TMEM144: variants seen among roughly 807,000 people sequenced by gnomAD.
TMEM144 encodes transmembrane protein 144.
Under a neutral mutation model 43.6 loss-of-function variants are expected in TMEM144, and 39 were observed. The ratio of observed to expected loss-of-function variants is 0.90; its 90% CI spans 0.69 to 1.17. The LOEUF (loss-of-function observed/expected upper bound fraction) is 1.17, where lower values mean the gene tolerates loss of function less well. TMEM144 is among the 50% of genes most tolerant of loss of function. The pLI is 0.00. For missense variants in TMEM144, 417 were observed against 411.9 expected (o/e 1.01, Z -0.11); for synonymous variants, 154 against 133.6 (o/e 1.15, Z -1.06).
intron 12 of TMEM144, among the ~76,000 whole-genome samples, chr4:158,247,962 C>G (rs1735976841): frequency 1.3e-5 from 2 of 150,028 alleles, no homozygotes; most frequent in African/African-American, 4.9e-5. Context: ...TACCATATTT[C>G]TGAAATGTGC....
intron 11 of TMEM144, among the ~76,000 whole-genome samples, chr4:158,243,675 T>A (rs1245628505): frequency 6.6e-6 from 1 of 152,186 alleles, no homozygotes; most frequent in Non-Finnish European, 1.5e-5. Flanking sequence ...CTGTATTATT[T>A]CATTCTTTTC....
chr4:158,244,145 C>A (rs1369064963), intron 11 of TMEM144, 151 bp from the exon 12 acceptor site: 2 of 394,620 alleles, frequency 5.1e-6, no homozygotes, highest in Admixed American at 4.6e-5. Context: ...CTTAATATCA[C>A]CTAAAGTTTA....
At chr4:158,240,195 T>C (rs1243633673) in intron 9 of TMEM144, 104 bp from the exon 10 acceptor site, 5 of 1,375,150 alleles carry the variant, frequency 3.6e-6, no homozygotes, top group Non-Finnish European at 4.9e-6. Flanking sequence ...TAATTAATGG[T>C]TTATTTGCCT....
In TMEM144 at chr4:158,254,317, G is replaced by A. The variant is rs1398954217; in HGVS notation, c.*790G>A. 1 of 151,890 alleles carries A rather than the reference G, an allele frequency of 6.6e-6. No homozygotes were observed. Among genetic ancestry groups the A allele is most frequent in the African/African-American group, 2.4e-5 (1 of 41,336 alleles). 9.4% of individuals were successfully genotyped at this position (151,890 alleles called of 1,614,324 possible). On this transcript the variant is annotated 3_prime_UTR_variant, in exon 13 of 13. Coordinates refer to ENST00000296529, the MANE Select transcript of TMEM144 (RefSeq NM_018342.5). ...AAAGGAAACAACCACTCTTTTGAAT[G>A]TACAACTTTTTTTTCTGAAATACAC...
chr4:158,244,149 A>C (rs1282858858), intron 11 of TMEM144, 147 bp from the exon 12 acceptor site: 1 of 408,076 alleles, frequency 2.5e-6, no homozygotes, highest in Non-Finnish European at 4.3e-6. Flanking sequence ...ATATCACCTA[A>C]AGTTTAGCTT....
chr4:158,216,795 G>C (rs1237848268), intron 4 of TMEM144, among the ~76,000 whole-genome samples: 1 of 151,680 alleles, frequency 6.6e-6, no homozygotes, highest in African/African-American at 2.4e-5. Context: ...TCCTAAAGAG[G>C]TAACCTTTTA....
At chr4:158,230,573 T>C (rs1485954353) in intron 6 of TMEM144, among the ~76,000 whole-genome samples, 1 of 151,826 alleles carries the variant, frequency 6.6e-6, no homozygotes, top group Non-Finnish European at 1.5e-5. Flanking sequence ...ATGTCTAATA[T>C]TAACCTTACA....
chr4:158,251,178 A>G (rs1736183760), intron 12 of TMEM144, among the ~76,000 whole-genome samples: 1 of 152,226 alleles, frequency 6.6e-6, no homozygotes, highest in Non-Finnish European at 1.5e-5. Context: ...AGATGTATCT[A>G]AAATTAGAGA....
chr4:158,247,835 A>G (rs1210807800), intron 12 of TMEM144, among the ~76,000 whole-genome samples: 1 of 151,936 alleles, frequency 6.6e-6, no homozygotes, highest in Non-Finnish European at 1.5e-5. Flanking sequence ...TACGTTCAGT[A>G]TAATTCCTGT....
intron 6 of TMEM144, among the ~76,000 whole-genome samples, chr4:158,222,334 A>C (rs1734550221): frequency 6.6e-6 from 1 of 152,192 alleles, no homozygotes; most frequent in African/African-American, 2.4e-5. Context: ...CTTACAGTAC[A>C]TCTATTCAGC....
intron 6 of TMEM144, among the ~76,000 whole-genome samples, chr4:158,230,150 T>G (rs1735002580): frequency 6.6e-6 from 1 of 152,212 alleles, no homozygotes; most frequent in African/African-American, 2.4e-5. Context: ...AATCTGTAGG[T>G]TGCAAGTTCT....
intron 6 of TMEM144, among the ~76,000 whole-genome samples, chr4:158,223,332 G>A (rs1734596842): frequency 6.6e-6 from 1 of 152,098 alleles, no homozygotes; most frequent in East Asian, 1.9e-4. Context: ...CCATTTTTTA[G>A]TTGAAAACTG....
rs1241783825 is a variant in TMEM144 at position 158,235,442 on chromosome 4, T to C, written c.500T>C (p.Ile167Thr). The change falls in exon 8 of 13, where the codon ATC (isoleucine) becomes ACC (threonine). Residue 167 changes from isoleucine to threonine, a missense_variant. By Grantham distance (89) the Ile-to-Thr change is moderately conservative. Transcript: ENST00000296529. Reference protein sequence around the residue: ...DTTPLITEHVINTTQDPCSWV... With the variant: ...DTTPLITEHVTNTTQDPCSWV... ...TTGGGCCAATGTTTTCAATAGGTGATCAACACAACCCAAGACCCCTGTTCC... is the reference window on the plus strand; with the variant it reads ...TTGGGCCAATGTTTTCAATAGGTGACCAACACAACCCAAGACCCCTGTTCC... 1.9e-6 allele frequency: 3 copies of C among 1,613,884 alleles called. No individual in the cohort carries two copies. The highest frequency in any genetic ancestry group is 3.3e-5 in the Admixed American group (2 of 59,996).
At chr4:158,221,376 C>G (rs1734499447) in intron 6 of TMEM144, among the ~76,000 whole-genome samples, 1 of 152,156 alleles carries the variant, frequency 6.6e-6, no homozygotes, top group African/African-American at 2.4e-5. Context: ...CCCATCTTCT[C>G]AAATGATGCA....
At chr4:158,241,799 C>T (rs1192370992) in intron 11 of TMEM144, among the ~76,000 whole-genome samples, 193 bp downstream of exon 11, 1 of 152,190 alleles carries the variant, frequency 6.6e-6, no homozygotes, top group Admixed American at 6.5e-5. Flanking sequence ...TTTCTCACCT[C>T]ATTTTAGCAG....
intron 10 of TMEM144, among the ~76,000 whole-genome samples, chr4:158,240,761 G>C (rs774773750): frequency 6.6e-6 from 1 of 151,992 alleles, no homozygotes; most frequent in Non-Finnish European, 1.5e-5. Flanking sequence ...ACTATCTAAA[G>C]GTTCATATAT....
Position 158,250,084 on chromosome 4 carries a change from A to G in TMEM144, c.955-3360A>G, listed in dbSNP as rs935833050. Among the ~76,000 whole-genome samples, 4 of 151,970 alleles carry G rather than the reference A, an allele frequency of 2.6e-5. No individual in the cohort carries two copies. The East Asian group carries it at 7.7e-4, about 29-fold the overall frequency. ...AACTTGCAAAGACCTATCTCTGGTC[A>G]TCAAACAGAGGCAAATTTATCTACT... is the stretch of plus-strand genomic sequence containing the variant. On this transcript the variant is annotated intron_variant, in intron 12 of 12. Coordinates refer to ENST00000296529, the MANE Select transcript of TMEM144 (RefSeq NM_018342.5).
intron 5 of TMEM144, among the ~76,000 whole-genome samples, chr4:158,219,082 C>T (rs1245139996): frequency 6.6e-6 from 1 of 152,030 alleles, no homozygotes. Flanking sequence ...CACTGTACTC[C>T]AGCCTGGATG....
chr4:158,217,391 T>G lies in TMEM144; in HGVS notation c.303T>G (p.Phe101Leu), dbSNP rs986580839. The G allele has an allele frequency of 6.2e-7, 1 of 1,613,230 alleles. No individual in the cohort carries two copies. Among genetic ancestry groups the G allele is most frequent in the Non-Finnish European group, 8.5e-7 (1 of 1,179,404 alleles). ...TTGGAATCTTAATCTGGGGATCATT[T>G]AATGCCTTAACTGGCTGGGCAAGCT... The part of the protein sequence containing the change: ...LGLGILIWGS[F>L]NALTGWASSR... Residue 101 changes from phenylalanine to leucine, a missense_variant, in exon 5 of 13, where the codon TTT (phenylalanine) becomes TTG (leucine). Transcript: ENST00000296529.
Sources: allele counts gnomAD v4.1 joint callset (sites outside exome capture counted in the v4.1 genomes callset), GRCh38; gene constraint gnomAD v4.1.1; transcripts MANE v1.5; gene names NCBI Gene and HGNC (gene_info 2026-07-23, HGNC 2026-07-21).